The following TENM3 variants were observed in gnomAD, a reference collection of about 807,000 sequenced individuals.
The protein encoded by TENM3 is teneurin-3.
In TENM3, 63 loss-of-function variants were observed where a neutral mutation model predicts 255.1. That is an observed-to-expected ratio of 0.25 (90% CI 0.20 to 0.30). The LOEUF is 0.30. Among genes scored for constraint, TENM3 ranks in the 10% least tolerant of loss-of-function variants. The pLI is 1.00. For synonymous variants in TENM3, 1,306 were observed against 1,322.3 expected, an observed-to-expected ratio of 0.99 and a Z score of 0.27; for missense variants, 2,929 against 3,461.1, an observed-to-expected ratio of 0.85 and a Z score of 3.86.
the TENM3 span, among the ~76,000 whole-genome samples, chr4:181,879,695 A>G: frequency 6.6e-6 from 1 of 152,138 alleles, no homozygotes; most frequent in Non-Finnish European, 1.5e-5. Context: ...CCTCTAACTC[A>G]TGGAACGTTA....
chr4:182,756,912 C>T (rs1234807911), intron 22 of TENM3, among the ~76,000 whole-genome samples: 1 of 152,098 alleles, frequency 6.6e-6, no homozygotes, highest in Admixed American at 6.5e-5. Flanking sequence ...ACTTCCTTTG[C>T]ACTGTTTTCA....
chr4:181,489,587 A>T, the TENM3 span, among the ~76,000 whole-genome samples: 19 of 152,322 alleles, frequency 1.2e-4, no homozygotes, highest in East Asian at 3.7e-3. Context: ...GTTGTACAAA[A>T]TATTTGACTA....
the TENM3 span, among the ~76,000 whole-genome samples, chr4:182,021,227 T>G: frequency 6.6e-6 from 1 of 152,232 alleles, no homozygotes; most frequent in Non-Finnish European, 1.5e-5. Context: ...CATGTGGCTG[T>G]AAAGGACATA....
intron 3 of TENM3, among the ~76,000 whole-genome samples, chr4:182,407,120 G>A (rs976576759): frequency 1.3e-5 from 2 of 152,154 alleles, no homozygotes; most frequent in African/African-American, 4.8e-5. Flanking sequence ...GTGGAAATCA[G>A]TTTTATTACT....
the TENM3 span, among the ~76,000 whole-genome samples, chr4:182,071,379 G>A: frequency 6.6e-6 from 1 of 151,620 alleles, no homozygotes; most frequent in Non-Finnish European, 1.5e-5. Context: ...GATTCAAAGT[G>A]TGCTTAGTTC....
chr4:181,451,149 A>G, the TENM3 span, among the ~76,000 whole-genome samples: 1 of 152,168 alleles, frequency 6.6e-6, no homozygotes, highest in South Asian at 2.1e-4. Flanking sequence ...AGGATGTAAT[A>G]TTGGAGCAGA....
At chr4:182,726,648 G>A (rs545968107) in intron 13 of TENM3, among the ~76,000 whole-genome samples, 6 of 152,298 alleles carry the variant, frequency 3.9e-5, no homozygotes, top group African/African-American at 1.4e-4. Context: ...GGGAAGGCCG[G>A]ATACGCAAAC....
chr4:182,615,520 G>A (rs1007498362), intron 4 of TENM3, among the ~76,000 whole-genome samples: 9 of 152,186 alleles, frequency 5.9e-5, no homozygotes, highest in Non-Finnish European at 1.2e-4. Flanking sequence ...TGGTTTTAAA[G>A]CAAATGGAAA....
At chr4:181,719,741 A>G in the TENM3 span, among the ~76,000 whole-genome samples, 1 of 152,224 alleles carries the variant, frequency 6.6e-6, no homozygotes, top group South Asian at 2.1e-4. Flanking sequence ...CAGTGATAGA[A>G]GATAGCATGT....
chr4:181,666,998 A>G, the TENM3 span, among the ~76,000 whole-genome samples: 1 of 152,242 alleles, frequency 6.6e-6, no homozygotes, highest in African/African-American at 2.4e-5. Context: ...AGATGCAGAC[A>G]TACTATCATA....
the TENM3 span, among the ~76,000 whole-genome samples, chr4:182,136,661 T>TA: frequency 3.3e-5 from 5 of 152,220 alleles, no homozygotes; most frequent in Non-Finnish European, 7.3e-5. Context: ...CTGATTGCTC[T>TA]AACCTATCAC....
chr4:181,513,778 T>G, the TENM3 span, among the ~76,000 whole-genome samples: 1 of 152,156 alleles, frequency 6.6e-6, no homozygotes, highest in Non-Finnish European at 1.5e-5. Context: ...CTGTCGCTTG[T>G]TTTCTTGTCC....
chr4:182,768,642 CTG>C (rs896213968), intron 22 of TENM3, among the ~76,000 whole-genome samples: 4 of 152,132 alleles, frequency 2.6e-5, no homozygotes, highest in Non-Finnish European at 5.9e-5. Flanking sequence ...CTGAGAATGA[CTG>C]AGGCTGTGAT....
At chr4:181,824,190 C>T in the TENM3 span, among the ~76,000 whole-genome samples, 1 of 152,062 alleles carries the variant, frequency 6.6e-6, no homozygotes, top group African/African-American at 2.4e-5. Context: ...CAGCCTCCAC[C>T]TCTTGGGTTC....
At chr4:182,220,406 G>A (rs982173447) in intron 1 of TENM3, among the ~76,000 whole-genome samples, 9 of 97,762 alleles carry the variant, frequency 9.2e-5, no homozygotes, top group African/African-American at 2.0e-4. Flanking sequence ...AAAAAAAGTC[G>A]GCTTGATAAA....
At chr4:182,349,492 T>C (rs1413357803) in intron 3 of TENM3, among the ~76,000 whole-genome samples, 1 of 152,214 alleles carries the variant, frequency 6.6e-6, no homozygotes, top group Non-Finnish European at 1.5e-5. Context: ...GCAGACCTTA[T>C]AATTTTGAAT....
intron 3 of TENM3, among the ~76,000 whole-genome samples, chr4:182,356,085 G>T (rs1295127787): frequency 6.6e-6 from 1 of 151,896 alleles, no homozygotes; most frequent in Non-Finnish European, 1.5e-5. Flanking sequence ...TTTAACATAA[G>T]GTTATAGATG....
the TENM3 span, among the ~76,000 whole-genome samples, chr4:181,994,185 A>G: frequency 6.6e-6 from 1 of 152,150 alleles, no homozygotes; most frequent in Non-Finnish European, 1.5e-5. Context: ...TTTGAAGTGC[A>G]TTGTTTTACA....
At chr4:181,950,031 G>GTA in the TENM3 span, among the ~76,000 whole-genome samples, 1 of 152,136 alleles carries the variant, frequency 6.6e-6, no homozygotes, top group Non-Finnish European at 1.5e-5. Flanking sequence ...TGACTTGCAC[G>GTA]TATATACGCA....
Sources: allele counts gnomAD v4.1 joint callset (sites outside exome capture counted in the v4.1 genomes callset), GRCh38; gene constraint gnomAD v4.1.1; transcripts MANE v1.5; gene names NCBI Gene and HGNC (gene_info 2026-07-23, HGNC 2026-07-21).